The following CNTNAP2 variants were observed in gnomAD, a reference collection of about 807,000 sequenced individuals.
The protein encoded by CNTNAP2 is contactin-associated protein-like 2.
A neutral mutation model predicts 155.2 loss-of-function variants in CNTNAP2; 98 were observed. That is an observed-to-expected ratio of 0.63 (90% CI 0.54 to 0.75). The LOEUF (loss-of-function observed/expected upper bound fraction) is 0.75, where lower values mean the gene tolerates loss of function less well. Among genes scored for constraint, CNTNAP2 ranks in the 30% least tolerant of loss-of-function variants. The probability of loss-of-function intolerance (pLI) is 0.00; values close to 1 mark genes in which losing one functional copy is unlikely to be tolerated. For synonymous variants in CNTNAP2, 651 were observed against 631.2 expected (o/e 1.03, Z -0.47); for missense variants, 1,727 against 1,688.1 (o/e 1.02, Z -0.40).
chr7:146,835,181 A>C (rs2129199500), intron 2 of CNTNAP2, among the ~76,000 whole-genome samples: 1 of 152,330 alleles, frequency 6.6e-6, no homozygotes, highest in Admixed American at 6.5e-5. Context: ...GCTGTATGTT[A>C]GTTGCTTGCT....
At chr7:146,374,718 G>A (rs1434022784) in intron 1 of CNTNAP2, among the ~76,000 whole-genome samples, 1 of 152,082 alleles carries the variant, frequency 6.6e-6, no homozygotes, top group East Asian at 1.9e-4. Context: ...TCAAACAAGA[G>A]GCATCTTTTA....
At chr7:147,684,796 T>A (rs1250050111) in intron 13 of CNTNAP2, among the ~76,000 whole-genome samples, 1 of 152,112 alleles carries the variant, frequency 6.6e-6, no homozygotes, top group East Asian at 1.9e-4. Flanking sequence ...TTTACCATAC[T>A]TTTTTAACAA....
At chr7:147,157,059 T>G (rs1801939711) in intron 8 of CNTNAP2, among the ~76,000 whole-genome samples, 1 of 152,094 alleles carries the variant, frequency 6.6e-6, no homozygotes, top group Non-Finnish European at 1.5e-5. Flanking sequence ...GGCTTTTTGA[T>G]GCCCTGACAG....
intron 13 of CNTNAP2, among the ~76,000 whole-genome samples, chr7:147,652,306 C>A (rs183758018): frequency 3.5e-4 from 54 of 152,260 alleles, no homozygotes; most frequent in African/African-American, 1.1e-3. Flanking sequence ...TGACCTTCAT[C>A]CCGTATCTTA....
chr7:147,658,256 CAAAAAA>C (rs11358943), intron 13 of CNTNAP2, among the ~76,000 whole-genome samples: 1 of 95,370 alleles, frequency 1.0e-5, no homozygotes, highest in Non-Finnish European at 2.3e-5. Context: ...GACTCCGTCC[CAAAAAA>C]AAAAAAAAAA....
intron 11 of CNTNAP2, among the ~76,000 whole-genome samples, chr7:147,511,055 C>T (rs1279029552): frequency 6.6e-6 from 1 of 151,514 alleles, no homozygotes; most frequent in African/African-American, 2.4e-5. Context: ...CTCCTGGGCA[C>T]CATCCCTTCT....
Position 148,113,393 on chromosome 7 carries a change from C to T in CNTNAP2, c.2384-4725C>T, listed in dbSNP as rs139544994. On this transcript the variant is annotated intron_variant, in intron 15 of 23. Transcript: ENST00000361727. ...ACTATCACAAAGACAGCACCAAGGG[C>T]AATGGTGCTAAACTATTCATGAGAA... 4.8e-3 allele frequency among the ~76,000 whole-genome samples: 729 copies of T among 152,244 alleles called. 4 individuals carry two copies. Among genetic ancestry groups the T allele is most frequent in the African/African-American group, 0.017 (697 of 41,536 alleles).
chr7:146,117,058 A>G, intron 1 of CNTNAP2, 85 bp downstream of exon 1: 1 of 1,145,764 alleles, frequency 8.7e-7, no homozygotes, highest in Non-Finnish European at 1.3e-6. Context: ...TCCGAAGTGC[A>G]TCGCAGTGCT....
At chr7:147,713,968 G>A (rs1175697484) in intron 13 of CNTNAP2, among the ~76,000 whole-genome samples, 1 of 152,120 alleles carries the variant, frequency 6.6e-6, no homozygotes, top group Non-Finnish European at 1.5e-5. Context: ...TTTGCAGATT[G>A]TTAAATTGCA....
chr7:147,184,273 TCC>T (rs1802521887), intron 8 of CNTNAP2, among the ~76,000 whole-genome samples: 1 of 152,192 alleles, frequency 6.6e-6, no homozygotes, highest in Non-Finnish European at 1.5e-5. Flanking sequence ...ACTGGATCGC[TCC>T]TAAGGCTGCC....
At chr7:148,111,047 G>A (rs994743277) in intron 15 of CNTNAP2, among the ~76,000 whole-genome samples, 1 of 152,056 alleles carries the variant, frequency 6.6e-6, no homozygotes, top group Non-Finnish European at 1.5e-5. Context: ...ATGGGACAGG[G>A]GACTCTCCAT....
At chr7:147,347,441 C>CATATATATATATATGCATAT (rs1324512574) in intron 9 of CNTNAP2, among the ~76,000 whole-genome samples, 2 of 56,570 alleles carry the variant, frequency 3.5e-5, no homozygotes, top group African/African-American at 9.4e-5. Flanking sequence ...TATATATATG[C>CATATATATATATATGCATAT]ATATATATAT....
intron 21 of CNTNAP2, among the ~76,000 whole-genome samples, chr7:148,343,685 C>T (rs749833968): frequency 1.6e-4 from 25 of 152,130 alleles, no homozygotes; most frequent in Non-Finnish European, 3.4e-4. Context: ...TTCAAAAATA[C>T]TCATTTAAAA....
At chr7:147,823,249 A>G (rs764478184) in intron 13 of CNTNAP2, among the ~76,000 whole-genome samples, 17 of 152,152 alleles carry the variant, frequency 1.1e-4, no homozygotes, top group South Asian at 4.1e-4. Flanking sequence ...AGGAAACCCA[A>G]TTGTAATCAG....
chr7:147,886,518 C>T (rs959157316), intron 13 of CNTNAP2, among the ~76,000 whole-genome samples: 16 of 27,458 alleles, frequency 5.8e-4, no homozygotes, highest in Admixed American at 4.8e-3. Flanking sequence ...TGGTTGTAAT[C>T]TCTCTCTCTC....
chr7:147,983,887 C>A (rs1563157440), intron 15 of CNTNAP2, among the ~76,000 whole-genome samples: 1 of 152,044 alleles, frequency 6.6e-6, no homozygotes, highest in Non-Finnish European at 1.5e-5. Flanking sequence ...TTAAAAGGTG[C>A]TTAGACTCTC....
At chr7:147,192,475 G>A (rs2116526879) in intron 8 of CNTNAP2, among the ~76,000 whole-genome samples, 1 of 152,194 alleles carries the variant, frequency 6.6e-6, no homozygotes, top group East Asian at 1.9e-4. Context: ...TGTTAAACAT[G>A]CAAATTATCT....
chr7:147,643,936 T>C lies in CNTNAP2; in HGVS notation c.2098+4630T>C, dbSNP rs540871368. Reference sequence around the variant, plus strand: ...CTTCCAATTTTTACAAGGATAGTAATACATGCCTTGTAATGTGCTCTCTTT... The same window carrying C: ...CTTCCAATTTTTACAAGGATAGTAACACATGCCTTGTAATGTGCTCTCTTT... On this transcript the variant is annotated intron_variant, in intron 13 of 23. Coordinates refer to ENST00000361727, the MANE Select transcript of CNTNAP2 (RefSeq NM_014141.6). Among the ~76,000 whole-genome samples the C allele has an allele frequency of 4.6e-5, 7 of 152,286 alleles. No homozygotes were observed. In the East Asian group the frequency reaches 1.3e-3, roughly 29 times the overall value.
At chr7:147,315,950 T>C (rs941235600) in intron 9 of CNTNAP2, among the ~76,000 whole-genome samples, 1 of 152,094 alleles carries the variant, frequency 6.6e-6, no homozygotes. Flanking sequence ...TATATACATA[T>C]ATGTGTGTAT....
Sources: gnomAD v4.1 joint callset for allele counts (sites outside exome capture counted in the v4.1 genomes callset) on GRCh38, gnomAD v4.1.1 for gene constraint, MANE v1.5 for transcripts, NCBI Gene and HGNC (gene_info 2026-07-23, HGNC 2026-07-21) for gene names.